ADGRL2: variants seen among roughly 807,000 people sequenced by gnomAD.
ADGRL2 encodes calcium-independent alpha-latrotoxin receptor 2.
In ADGRL2, 44 loss-of-function variants were observed where a neutral mutation model predicts 157.4. That is an observed-to-expected ratio of 0.28 (90% confidence interval 0.22 to 0.36). ADGRL2 has a LOEUF of 0.36. ADGRL2 is among the 10% of genes least tolerant of loss of function. ADGRL2 has a pLI of 1.00. For synonymous variants in ADGRL2, 585 were observed against 624.7 expected, an observed-to-expected ratio of 0.94 and a Z score of 0.95; for missense variants, 1,510 against 1,768.9, an observed-to-expected ratio of 0.85 and a Z score of 2.63.
chr1:81,502,606 C>T lies in ADGRL2; in HGVS notation c.-248+57517C>T, dbSNP rs2078878139. On this transcript the variant is annotated intron_variant, in intron 2 of 24. Transcript: ENST00000370721. ...ACAAGAAGATCTGGAGGGAGATCAC[C>T]AAAGGCCTAAACCTGCCCACATCCA... 5 of 1,614,050 alleles carry T rather than the reference C, an allele frequency of 3.1e-6. No individual in the cohort carries two copies. The South Asian group carries it at 5.5e-5, about 18-fold the overall frequency.
intron 2 of ADGRL2, among the ~76,000 whole-genome samples, chr1:81,518,057 G>T (rs2079221459): frequency 6.6e-6 from 1 of 152,218 alleles, no homozygotes; most frequent in Non-Finnish European, 1.5e-5. Flanking sequence ...CCCTTAAAGA[G>T]AAAATTAATT....
chr1:81,338,167 A>G (rs1328727483), intron 1 of ADGRL2, among the ~76,000 whole-genome samples: 1 of 152,154 alleles, frequency 6.6e-6, no homozygotes, highest in Non-Finnish European at 1.5e-5. Context: ...GTTCGCGACC[A>G]GCCTGGACAA....
intron 1 of ADGRL2, among the ~76,000 whole-genome samples, chr1:81,309,563 C>T (rs1205980622): frequency 1.3e-5 from 2 of 152,254 alleles, no homozygotes; most frequent in East Asian, 3.9e-4. Context: ...CCGATTTACC[C>T]ATTTGTCATC....
chr1:81,652,058 T>C (rs2082432886), intron 3 of ADGRL2, among the ~76,000 whole-genome samples: 1 of 152,138 alleles, frequency 6.6e-6, no homozygotes, highest in Admixed American at 6.6e-5. Context: ...ACATGGCTAA[T>C]GCCCATTTTG....
intron 3 of ADGRL2, among the ~76,000 whole-genome samples, chr1:81,935,084 C>A (rs1357568740): frequency 2.0e-5 from 3 of 152,042 alleles, no homozygotes; most frequent in East Asian, 1.9e-4. Flanking sequence ...AAACTGTAAA[C>A]CTACCTCTTG....
At chr1:81,932,385 A>C (rs1226545674) in intron 3 of ADGRL2, among the ~76,000 whole-genome samples, 4 of 152,218 alleles carry the variant, frequency 2.6e-5, no homozygotes, top group Non-Finnish European at 4.4e-5. Flanking sequence ...TGATTTCTAC[A>C]CTTAGAATTA....
chr1:81,351,085 C>A (rs1388995314), intron 1 of ADGRL2, among the ~76,000 whole-genome samples: 1 of 152,138 alleles, frequency 6.6e-6, no homozygotes, highest in Non-Finnish European at 1.5e-5. Context: ...TTGACAATGT[C>A]CCCTTAAGCC....
intron 2 of ADGRL2, among the ~76,000 whole-genome samples, chr1:81,779,634 A>G (rs2086734811): frequency 6.6e-6 from 1 of 152,146 alleles, no homozygotes. Flanking sequence ...GCTGTTTTAA[A>G]TTCAGAGCCT....
chr1:81,914,784 C>T (rs1325988180), intron 3 of ADGRL2, among the ~76,000 whole-genome samples: 1 of 152,134 alleles, frequency 6.6e-6, no homozygotes, highest in Non-Finnish European at 1.5e-5. Flanking sequence ...GGCCAGTCTA[C>T]TAATATAGAT....
chr1:81,313,595 G>C (rs1404366178), intron 1 of ADGRL2, among the ~76,000 whole-genome samples: 1 of 152,146 alleles, frequency 6.6e-6, no homozygotes, highest in Non-Finnish European at 1.5e-5. Flanking sequence ...CAGTACCAAA[G>C]TTCGAAAGGC....
At position 81,455,271 on chromosome 1, in the gene ADGRL2, C is replaced by T. The variant is rs1449143617; in HGVS notation, c.-248+10182C>T. ...CCCTAGAGTACCTTATTCTCAGAAGCCTGTGGGCAGAACGTGGAAAGGAAA... is the reference window on the plus strand; with the variant it reads ...CCCTAGAGTACCTTATTCTCAGAAGTCTGTGGGCAGAACGTGGAAAGGAAA... On this transcript the variant is annotated intron_variant, in intron 2 of 24. Coordinates refer to the ADGRL2 transcript ENST00000370721. 2.6e-5 allele frequency among the ~76,000 whole-genome samples: 4 copies of T among 152,216 alleles called. No homozygotes were observed. In the East Asian group the frequency reaches 7.7e-4, roughly 29 times the overall value.
intron 1 of ADGRL2, among the ~76,000 whole-genome samples, chr1:81,414,596 A>T (rs920372638): frequency 2.0e-5 from 3 of 152,158 alleles, no homozygotes; most frequent in Non-Finnish European, 4.4e-5. Flanking sequence ...CCGCCGTGAT[A>T]CGATAGGTGG....
At chr1:81,402,292 C>A (rs2076770952) in intron 1 of ADGRL2, among the ~76,000 whole-genome samples, 1 of 152,162 alleles carries the variant, frequency 6.6e-6, no homozygotes, top group African/African-American at 2.4e-5. Context: ...TGCCACTCTG[C>A]CTGCCAGGCT....
At chr1:81,872,717 T>A (rs2093731104) in intron 2 of ADGRL2, among the ~76,000 whole-genome samples, 2 of 152,110 alleles carry the variant, frequency 1.3e-5, no homozygotes, top group South Asian at 4.1e-4. Flanking sequence ...TAAAAAGTCA[T>A]TGCCAAGAGA....
intron 2 of ADGRL2, chr1:81,502,636 C>A: frequency 5.0e-6 from 8 of 1,614,036 alleles, no homozygotes; most frequent in Non-Finnish European, 5.9e-6. Context: ...CATCCATCAC[C>A]AGCGCTGCCT....
rs762041125 is a variant in ADGRL2, at chr1:81,984,689, C to CTCG, written c.3390_3392dup (p.Arg1131dup). On this transcript the variant is annotated inframe_insertion, in exon 20 of 24. Transcript: ENST00000686636. ...AAGGCATCAACCACCAGAACCAGTG[C>CTCG]TCGCTATTCCTCTGGCACACAGGTA... 6.2e-7 allele frequency: 1 copy of CTCG among 1,612,844 alleles called. No individual in the cohort carries two copies. Among genetic ancestry groups the CTCG allele is most frequent in the South Asian group, 1.1e-5 (1 of 91,050 alleles).
chr1:81,818,614 C>G (rs758005187), intron 1 of ADGRL2, among the ~76,000 whole-genome samples: 7 of 152,112 alleles, frequency 4.6e-5, no homozygotes, highest in Non-Finnish European at 1.0e-4. Context: ...GGGCTTAATT[C>G]TATTAATTTT....
chr1:81,921,836 ATATCT>A (rs1434184945), intron 3 of ADGRL2, among the ~76,000 whole-genome samples: 2 of 152,298 alleles, frequency 1.3e-5, no homozygotes, highest in South Asian at 4.1e-4. Flanking sequence ...TCTGAAAATG[ATATCT>A]TGTCTTTCAT....
chr1:81,805,349 T>G (rs2149546524), intron 1 of ADGRL2, among the ~76,000 whole-genome samples: 1 of 152,186 alleles, frequency 6.6e-6, no homozygotes, highest in Admixed American at 6.5e-5. Flanking sequence ...TTTACAAAAC[T>G]TAATTCTAAG....
Sources: allele counts gnomAD v4.1 joint callset (sites outside exome capture counted in the v4.1 genomes callset), GRCh38; gene constraint gnomAD v4.1.1; transcripts MANE v1.5; gene names NCBI Gene and HGNC (gene_info 2026-07-23, HGNC 2026-07-21).